The following NFILZ variants were observed in gnomAD, a reference collection of about 807,000 sequenced individuals.
NFILZ encodes the protein NFIL3 like basic leucine zipper.
intron 3 of NFILZ, among the ~76,000 whole-genome samples, chr19:8,668,363 A>T (rs1233061175): frequency 6.6e-6 from 1 of 151,804 alleles, no homozygotes; most frequent in African/African-American, 2.4e-5. Context: ...GAACCCGAGG[A>T]TACAGAGGAA....
At chr19:8,641,781 A>G (rs1555746692) in intron 3 of NFILZ, among the ~76,000 whole-genome samples, 1 of 152,094 alleles carries the variant, frequency 6.6e-6, no homozygotes, top group Non-Finnish European at 1.5e-5. Flanking sequence ...TGAGGATCAC[A>G]TGACACATAT....
intron 3 of NFILZ, among the ~76,000 whole-genome samples, chr19:8,667,009 C>T (rs2043065154): frequency 6.6e-6 from 1 of 151,668 alleles, no homozygotes; most frequent in South Asian, 2.1e-4. Context: ...CTCGGCCTCC[C>T]AAAGTGTTGG....
chr19:8,640,415 G>C (rs1568417890), intron 3 of NFILZ, among the ~76,000 whole-genome samples: 1 of 146,844 alleles, frequency 6.8e-6, no homozygotes, highest in Non-Finnish European at 1.5e-5. Flanking sequence ...CACACTTGTT[G>C]CATAACACAG....
intron 3 of NFILZ, among the ~76,000 whole-genome samples, chr19:8,668,420 T>G (rs2043072440): frequency 6.6e-6 from 1 of 152,250 alleles, no homozygotes; most frequent in South Asian, 2.1e-4. Flanking sequence ...TCTTTTTATA[T>G]CTACATGTTT....
chr19:8,662,273 G>C (rs1186346605), intron 3 of NFILZ, among the ~76,000 whole-genome samples: 1 of 151,972 alleles, frequency 6.6e-6, no homozygotes, highest in African/African-American at 2.4e-5. Context: ...AGAATAAGGA[G>C]AGAAAGTGAG....
intron 3 of NFILZ, among the ~76,000 whole-genome samples, chr19:8,640,934 GGAA>G (rs1292161340): frequency 2.0e-5 from 3 of 151,956 alleles, no homozygotes; most frequent in African/African-American, 7.3e-5. Context: ...ACTCAAGCCT[GGAA>G]GAAGACCAGG....
intron 3 of NFILZ, among the ~76,000 whole-genome samples, chr19:8,663,538 A>G (rs1310951953): frequency 1.4e-5 from 2 of 148,132 alleles, no homozygotes; most frequent in Non-Finnish European, 3.0e-5. Context: ...GAGATGGGGA[A>G]GGTGGAGGGG....
chr19:8,652,954 C>T (rs1156591483), intron 3 of NFILZ, among the ~76,000 whole-genome samples: 1 of 145,898 alleles, frequency 6.9e-6, no homozygotes, highest in Non-Finnish European at 1.5e-5. Context: ...CTCTCTCTTT[C>T]TTTCCCTTCC....
intron 3 of NFILZ, among the ~76,000 whole-genome samples, chr19:8,657,425 G>C (rs2043009990): frequency 6.6e-6 from 1 of 152,076 alleles, no homozygotes; most frequent in African/African-American, 2.4e-5. Flanking sequence ...TGTCTGCAGG[G>C]GGTCGTTGGG....
At chr19:8,637,826 G>C (rs188399196) in intron 3 of NFILZ, among the ~76,000 whole-genome samples, 3 of 149,802 alleles carry the variant, frequency 2.0e-5, no homozygotes, top group South Asian at 2.1e-4. Flanking sequence ...AGAATCACCT[G>C]AACCAGGGAG....
At chr19:8,634,150 A>C (rs550627779) in intron 2 of NFILZ, among the ~76,000 whole-genome samples, 1 of 151,762 alleles carries the variant, frequency 6.6e-6, no homozygotes, top group Non-Finnish European at 1.5e-5. Context: ...GGTGTGTGCT[A>C]TCATGCCCAG....
At chr19:8,631,045 A>T (rs1387872551) in intron 1 of NFILZ, among the ~76,000 whole-genome samples, 1 of 152,174 alleles carries the variant, frequency 6.6e-6, no homozygotes, top group Non-Finnish European at 1.5e-5. Flanking sequence ...CCTTTAATAG[A>T]CACCTGTGCT....
chr19:8,647,585 C>CG lies in NFILZ; in HGVS notation c.-164+11839_-164+11840insG, dbSNP rs1216043606. 1.8e-4 allele frequency among the ~76,000 whole-genome samples: 26 copies of CG among 148,446 alleles called. 2 individuals carry two copies. The East Asian group carries it at 5.9e-3, about 34-fold the overall frequency. On this transcript the variant is annotated intron_variant, in intron 3 of 5. Coordinates refer to ENST00000691075, the MANE Select transcript of NFILZ (RefSeq NM_001378600.1). ...GACATTCTGTCCCCGCACCCCCCCC[C>CG]CCAAAAAAAGGGAACGAGATCATGT...
chr19:8,642,951 C>CACT (rs2042924795), intron 3 of NFILZ, among the ~76,000 whole-genome samples: 1 of 17,330 alleles, frequency 5.8e-5, no homozygotes, highest in Non-Finnish European at 1.0e-4. Flanking sequence ...AGGATTTTGA[C>CACT]TCTTTTTTTT....
rs1183888048 is a variant in NFILZ at position 8,651,605 on chromosome 19, C to T, written c.-164+15859C>T. On this transcript the variant is annotated intron_variant, in intron 3 of 5. Coordinates refer to ENST00000691075, the MANE Select transcript of NFILZ (RefSeq NM_001378600.1). ...GGAGTGCAGTGGGGAGATCACAGCT[C>T]ATTCCAGCTTTAAATTCCTGGACTC... is the stretch of plus-strand genomic sequence containing the variant. 2.0e-5 allele frequency among the ~76,000 whole-genome samples: 3 copies of T among 152,214 alleles called. No homozygotes were observed. In the East Asian group the frequency reaches 5.8e-4, roughly 29 times the overall value.
At chr19:8,668,789 G>A (rs1555750042) in intron 3 of NFILZ, among the ~76,000 whole-genome samples, 3 of 152,078 alleles carry the variant, frequency 2.0e-5, no homozygotes, top group African/African-American at 7.2e-5. Flanking sequence ...CAGTGTCTGG[G>A]AGGAATGGGG....
chr19:8,670,934 G>T (rs565134000), intron 3 of NFILZ, among the ~76,000 whole-genome samples: 1 of 150,932 alleles, frequency 6.6e-6, no homozygotes, highest in African/African-American at 2.4e-5. Context: ...GGCGGAGGTT[G>T]CAGTGAGCTG....
intron 3 of NFILZ, among the ~76,000 whole-genome samples, chr19:8,660,013 C>T (rs566809355): frequency 6.6e-6 from 1 of 152,244 alleles, no homozygotes; most frequent in East Asian, 1.9e-4. Context: ...AGCACCCAGT[C>T]CTGAGCTACA....
rs1396470756 is a variant in NFILZ at position 8,633,066 on chromosome 19, G to A, written c.-261+441G>A. ...GACAGAGCCTTGCTCTGTCACTCAG[G>A]CTGGAGTGCAGTGGTGTAATCTTGG... On this transcript the variant is annotated intron_variant, in intron 2 of 5. Transcript: ENST00000691075. Among the ~76,000 whole-genome samples, 3 of 132,842 alleles carry A rather than the reference G, an allele frequency of 2.3e-5. No homozygotes were observed. The East Asian group carries it at 7.0e-4, about 31-fold the overall frequency. The allele number at this position is 132,842 out of a possible 152,430, so 87.1% of individuals were successfully genotyped here. A position where few individuals can be genotyped will look rare whatever the true frequency, so the allele number is the denominator to read the frequency against.
Sources: gnomAD v4.1 joint callset for allele counts (sites outside exome capture counted in the v4.1 genomes callset) on GRCh38, gnomAD v4.1.1 for gene constraint, MANE v1.5 for transcripts, NCBI Gene and HGNC (gene_info 2026-07-23, HGNC 2026-07-21) for gene names.